PDE4D: variants seen among roughly 807,000 people sequenced by gnomAD.
PDE4D encodes 3',5'-cyclic-AMP phosphodiesterase 4D.
Under a neutral mutation model 87.4 loss-of-function variants are expected in PDE4D, and 24 were observed. The observed-to-expected ratio is 0.27, with a 90% CI of 0.20 to 0.39. The LOEUF is 0.39. Ranked by LOEUF, PDE4D falls within the 10% of genes least tolerant of loss-of-function variation. The pLI, the probability that PDE4D is intolerant of heterozygous loss-of-function variation, is 1.00. For synonymous variants in PDE4D, 384 were observed against 383.2 expected (o/e 1.00, Z -0.02); for missense variants, 714 against 1,041.0 (o/e 0.69, Z 4.32).
intron 2 of PDE4D, among the ~76,000 whole-genome samples, chr5:60,063,372 C>T (rs1771709950): frequency 6.6e-6 from 1 of 152,012 alleles, no homozygotes; most frequent in Non-Finnish European, 1.5e-5. Context: ...TGGGAAGTAG[C>T]ATCAAGAAGG....
At chr5:59,669,079 A>G (rs1372504480) in intron 1 of PDE4D, among the ~76,000 whole-genome samples, 1 of 152,154 alleles carries the variant, frequency 6.6e-6, no homozygotes. Flanking sequence ...TTGTAATATG[A>G]TCAGATGGCT....
chr5:59,909,395 A>ATTT (rs11413475), intron 3 of PDE4D, among the ~76,000 whole-genome samples: 1 of 150,078 alleles, frequency 6.7e-6, no homozygotes. Context: ...CCTTAGGTGG[A>ATTT]TTTTTTTTTT....
chr5:60,475,083 A>T (rs1319171764), intron 1 of PDE4D, among the ~76,000 whole-genome samples: 2 of 152,146 alleles, frequency 1.3e-5, no homozygotes, highest in African/African-American at 4.8e-5. Flanking sequence ...GATAGAAAAC[A>T]AAATAAGGGT....
chr5:59,240,091 C>T (rs559774698), intron 1 of PDE4D, among the ~76,000 whole-genome samples: 2 of 152,270 alleles, frequency 1.3e-5, no homozygotes, highest in East Asian at 1.9e-4. Flanking sequence ...CTCTGTCAAG[C>T]CTTCCAGTTA....
At chr5:59,164,197 A>T (rs1781561940) in intron 5 of PDE4D, among the ~76,000 whole-genome samples, 2 of 152,238 alleles carry the variant, frequency 1.3e-5, no homozygotes, top group South Asian at 4.1e-4. Context: ...ACATTTTTGC[A>T]GTCAGAGCTA....
intron 1 of PDE4D, among the ~76,000 whole-genome samples, chr5:59,784,341 T>G (rs78650826): frequency 0.023 from 3,420 of 151,848 alleles, 102 homozygotes; most frequent in African/African-American, 0.068. Context: ...AAGATTAAAG[T>G]CAGTACAAAT....
chr5:59,789,938 A>G (rs1765599403), intron 1 of PDE4D, among the ~76,000 whole-genome samples: 1 of 152,234 alleles, frequency 6.6e-6, no homozygotes, highest in African/African-American at 2.4e-5. Context: ...TTTCAGTGTG[A>G]TCAATGGAAG....
chr5:59,055,546 T>A (rs1036139978), intron 5 of PDE4D, among the ~76,000 whole-genome samples: 1 of 152,136 alleles, frequency 6.6e-6, no homozygotes, highest in Non-Finnish European at 1.5e-5. Context: ...CATGCTGGGT[T>A]ATTTGTTTTT....
In PDE4D at chr5:59,287,035, A is replaced by G. The variant is rs562473958; in HGVS notation, c.456-71067T>C. Among the ~76,000 whole-genome samples, 12 of 152,272 alleles carry G rather than the reference A, an allele frequency of 7.9e-5. No homozygotes were observed. The East Asian group carries it at 2.3e-3, about 29-fold the overall frequency. ...ACTCTCCACACAAAAAAGCACCTTCATGCACCTTCATAAGAACCAAAAATC... is the reference window on the plus strand; with the variant it reads ...ACTCTCCACACAAAAAAGCACCTTCGTGCACCTTCATAAGAACCAAAAATC... On this transcript the variant is annotated intron_variant, in intron 1 of 14. Coordinates refer to ENST00000340635, the MANE Select transcript of PDE4D (RefSeq NM_001104631.2).
intron 5 of PDE4D, among the ~76,000 whole-genome samples, chr5:59,159,370 T>C (rs1400973720): frequency 6.6e-6 from 1 of 152,064 alleles, no homozygotes; most frequent in Non-Finnish European, 1.5e-5. Flanking sequence ...TAGGCTCAAG[T>C]GATCCTCCTG....
At chr5:59,007,594 C>T (rs1337704802) in intron 6 of PDE4D, among the ~76,000 whole-genome samples, 1 of 152,036 alleles carries the variant, frequency 6.6e-6, no homozygotes, top group Non-Finnish European at 1.5e-5. Flanking sequence ...TTGATTAATG[C>T]TAGTATTCTG....
chr5:59,795,997 C>T (rs557829823), intron 1 of PDE4D, among the ~76,000 whole-genome samples: 6 of 152,166 alleles, frequency 3.9e-5, no homozygotes, highest in Admixed American at 2.6e-4. Flanking sequence ...CCTTGCCTCA[C>T]GGTTCTCAGA....
chr5:59,271,144 A>G (rs928830886), intron 1 of PDE4D, among the ~76,000 whole-genome samples: 2 of 151,888 alleles, frequency 1.3e-5, no homozygotes, highest in East Asian at 3.9e-4. Context: ...GGTTGAAGCA[A>G]TTCTCATGCC....
At chr5:60,106,792 G>A (rs1407242436) in intron 2 of PDE4D, among the ~76,000 whole-genome samples, 1 of 151,936 alleles carries the variant, frequency 6.6e-6, no homozygotes, top group Non-Finnish European at 1.5e-5. Flanking sequence ...CAGAAATAAA[G>A]ATATTCTTTG....
intron 3 of PDE4D, among the ~76,000 whole-genome samples, chr5:59,961,814 T>C (rs572194859): frequency 2.5e-3 from 374 of 152,194 alleles, no homozygotes; most frequent in African/African-American, 8.5e-3. Flanking sequence ...ATGGTGAAGA[T>C]GATAAAAGCC....
At position 59,622,061 on chromosome 5, in the gene PDE4D, A is replaced by T. The variant is rs1830408962; in HGVS notation, c.455+271107T>A. ...AAAATGACTTCTGGCTTCAGAAGAT[A>T]AAACTTGCCAGAAGTTAAACCTGAA... On this transcript the variant is annotated intron_variant, in intron 1 of 14. Coordinates refer to ENST00000340635, the MANE Select transcript of PDE4D (RefSeq NM_001104631.2). Among the ~76,000 whole-genome samples the T allele has an allele frequency of 2.0e-5, 3 of 152,320 alleles. No individual in the cohort carries two copies. In the South Asian group the frequency reaches 6.2e-4, roughly 32 times the overall value.
At chr5:59,324,787 A>T (rs1156724251) in intron 1 of PDE4D, among the ~76,000 whole-genome samples, 1 of 152,064 alleles carries the variant, frequency 6.6e-6, no homozygotes, top group African/African-American at 2.4e-5. Context: ...TTAAGTTACA[A>T]CTTTCTGGCA....
At chr5:59,153,055 G>A (rs1173915023) in intron 5 of PDE4D, among the ~76,000 whole-genome samples, 1 of 152,006 alleles carries the variant, frequency 6.6e-6, no homozygotes. Flanking sequence ...CAAGTCAGAG[G>A]GAAAGAAAAT....
intron 1 of PDE4D, among the ~76,000 whole-genome samples, chr5:60,258,557 G>T (rs1158678110): frequency 1.3e-5 from 2 of 151,864 alleles, no homozygotes; most frequent in African/African-American, 4.8e-5. Context: ...AAAGCAGTTT[G>T]CCAATAAGTG....
Sources: allele counts gnomAD v4.1 joint callset (sites outside exome capture counted in the v4.1 genomes callset), GRCh38; gene constraint gnomAD v4.1.1; transcripts MANE v1.5; gene names NCBI Gene and HGNC (gene_info 2026-07-23, HGNC 2026-07-21).